Variants in DOCK3 observed in about 807,000 individuals in gnomAD.
DOCK3 encodes dedicator of cytokinesis protein 3.
In DOCK3, 60 loss-of-function variants were observed where a neutral mutation model predicts 265.6. The ratio of observed to expected loss-of-function variants is 0.23; its 90% CI spans 0.18 to 0.28. The LOEUF (loss-of-function observed/expected upper bound fraction) is 0.28. Ranked by LOEUF, DOCK3 falls within the 10% of genes least tolerant of loss-of-function variation. The probability of loss-of-function intolerance (pLI) is 1.00; values close to 1 mark genes in which losing one functional copy is unlikely to be tolerated. For synonymous variants in DOCK3, 881 were observed against 938.0 expected (o/e 0.94, Z 1.11); for missense variants, 1,981 against 2,594.3 (o/e 0.76, Z 5.14).
intron 7 of DOCK3, among the ~76,000 whole-genome samples, chr3:51,080,378 T>C (rs538959547): frequency 2.0e-5 from 3 of 152,314 alleles, no homozygotes; most frequent in South Asian, 4.1e-4. Flanking sequence ...AGTATAAAGA[T>C]AAATAAGACA....
intron 5 of DOCK3, among the ~76,000 whole-genome samples, chr3:51,001,027 A>G (rs1192088829): frequency 1.3e-5 from 2 of 152,196 alleles, no homozygotes; most frequent in Non-Finnish European, 2.9e-5. Flanking sequence ...TGGACATCCC[A>G]CAATTTGTTT....
At chr3:51,310,106 A>G in intron 27 of DOCK3, 126 bp from the exon 28 acceptor site, 2 of 736,016 alleles carry the variant, frequency 2.7e-6, no homozygotes, top group Non-Finnish European at 4.8e-6. Flanking sequence ...AACAACTCAC[A>G]GAGAGAACCA....
At chr3:51,209,670 A>G (rs2089402853) in intron 13 of DOCK3, among the ~76,000 whole-genome samples, 1 of 152,234 alleles carries the variant, frequency 6.6e-6, no homozygotes, top group South Asian at 2.1e-4. Flanking sequence ...TTGTCCTTAA[A>G]TGACAGTGTA....
intron 5 of DOCK3, among the ~76,000 whole-genome samples, chr3:51,044,360 A>G (rs2109056821): frequency 6.6e-6 from 1 of 152,310 alleles, no homozygotes; most frequent in East Asian, 1.9e-4. Context: ...ATTCTCACTT[A>G]TAAGTGGAAG....
chr3:51,369,115 C>A (rs887628302), intron 49 of DOCK3, among the ~76,000 whole-genome samples: 1 of 152,250 alleles, frequency 6.6e-6, no homozygotes, highest in Non-Finnish European at 1.5e-5. Context: ...GCTGAAAATT[C>A]TAAAAATCAG....
At chr3:51,353,392 A>T (rs1389622067) in intron 40 of DOCK3, among the ~76,000 whole-genome samples, 1 of 152,140 alleles carries the variant, frequency 6.6e-6, no homozygotes, top group Non-Finnish European at 1.5e-5. Context: ...CGGGTGGATC[A>T]CCTGAGGTCA....
chr3:51,057,384 C>G (rs944805378), intron 5 of DOCK3, among the ~76,000 whole-genome samples: 2 of 152,258 alleles, frequency 1.3e-5, no homozygotes, highest in South Asian at 4.1e-4. Context: ...GGATGTGTTG[C>G]TAAGATGAGC....
chr3:51,121,782 T>C (rs868724197), intron 9 of DOCK3, among the ~76,000 whole-genome samples: 1 of 152,174 alleles, frequency 6.6e-6, no homozygotes. Flanking sequence ...GAGCTTCACA[T>C]CATTATTTAA....
At chr3:50,849,849 C>T (rs755266559) in intron 3 of DOCK3, among the ~76,000 whole-genome samples, 2 of 151,950 alleles carry the variant, frequency 1.3e-5, no homozygotes, top group South Asian at 2.1e-4. Context: ...TTTGGGAGTC[C>T]GAGGTGGTGG....
At chr3:51,171,321 A>T (rs553386859) in intron 12 of DOCK3, among the ~76,000 whole-genome samples, 2 of 152,254 alleles carry the variant, frequency 1.3e-5, no homozygotes, top group Admixed American at 6.5e-5. Flanking sequence ...TAATTTCCAC[A>T]TATTTGTGAA....
chr3:50,761,566 T>G (rs2040531964), intron 1 of DOCK3, among the ~76,000 whole-genome samples: 1 of 152,162 alleles, frequency 6.6e-6, no homozygotes, highest in African/African-American at 2.4e-5. Flanking sequence ...TGGGAAGCCG[T>G]CAAAAGTGCT....
chr3:51,146,173 T>C (rs529063664), intron 9 of DOCK3, among the ~76,000 whole-genome samples: 1 of 152,250 alleles, frequency 6.6e-6, no homozygotes, highest in Non-Finnish European at 1.5e-5. Context: ...TTTATGATGA[T>C]CTGAGTGCTC....
chr3:51,280,300 A>G, intron 27 of DOCK3, 96 bp downstream of exon 27: 3 of 1,129,940 alleles, frequency 2.7e-6, no homozygotes, highest in East Asian at 2.6e-5. Context: ...GCAAGTGACT[A>G]GCATTGCCAC....
intron 12 of DOCK3, among the ~76,000 whole-genome samples, chr3:51,176,465 A>AT (rs1335927583): frequency 4.8e-4 from 22 of 45,674 alleles, no homozygotes; most frequent in Non-Finnish European, 6.9e-4. Flanking sequence ...AAAAATAAAA[A>AT]AAAAAAAAAA....
At chr3:50,773,334 TA>T (rs2041394507) in intron 1 of DOCK3, among the ~76,000 whole-genome samples, 1 of 151,978 alleles carries the variant, frequency 6.6e-6, no homozygotes, top group Admixed American at 6.6e-5. Flanking sequence ...ATAAAACTAC[TA>T]GAGGAAAATG....
intron 1 of DOCK3, among the ~76,000 whole-genome samples, chr3:50,758,450 TA>T (rs1049438190): frequency 4.6e-5 from 7 of 151,742 alleles, no homozygotes; most frequent in Admixed American, 2.0e-4. Context: ...ATTACGACAG[TA>T]AAAAAAAGAT....
intron 17 of DOCK3, 149 bp downstream of exon 17, chr3:51,228,237 GCTTCTGT>G (rs2090410855): frequency 9.3e-6 from 7 of 750,980 alleles, no homozygotes; most frequent in South Asian, 1.8e-5. Context: ...CTGTGGGCAG[GCTTCTGT>G]CTTCTAAGTG....
intron 29 of DOCK3, 86 bp from the exon 30 acceptor site, chr3:51,312,390 T>C (rs1389319747): frequency 3.1e-5 from 35 of 1,138,044 alleles, no homozygotes; most frequent in Non-Finnish European, 4.1e-5. Flanking sequence ...TAAAATGGGT[T>C]CTATGCTACA....
At chr3:50,849,569 T>A (rs2046261729) in intron 3 of DOCK3, among the ~76,000 whole-genome samples, 1 of 151,986 alleles carries the variant, frequency 6.6e-6, no homozygotes, top group African/African-American at 2.4e-5. Context: ...ATCTCCCACC[T>A]CAACGTCCTG....
Sources: allele counts gnomAD v4.1 joint callset (sites outside exome capture counted in the v4.1 genomes callset), GRCh38; gene constraint gnomAD v4.1.1; transcripts MANE v1.5; gene names NCBI Gene and HGNC (gene_info 2026-07-23, HGNC 2026-07-21).